Variants in RABGAP1L observed in about 807,000 individuals in gnomAD.
RABGAP1L encodes RAB GTPase activating protein 1 like.
In RABGAP1L, 63 loss-of-function variants were observed where a neutral mutation model predicts 137.7. The ratio of observed to expected loss-of-function variants is 0.46; its 90% CI spans 0.37 to 0.56. The LOEUF (loss-of-function observed/expected upper bound fraction) is 0.56. Ranked by LOEUF, RABGAP1L falls within the 20% of genes least tolerant of loss-of-function variation. The pLI is 0.00. For synonymous variants in RABGAP1L, 431 were observed against 433.7 expected, an observed-to-expected ratio of 0.99 and a Z score of 0.08; for missense variants, 1,095 against 1,244.0, an observed-to-expected ratio of 0.88 and a Z score of 1.80.
intron 20 of RABGAP1L, among the ~76,000 whole-genome samples, chr1:174,958,962 AT>A (rs1473474075): frequency 6.6e-6 from 1 of 152,196 alleles, no homozygotes; most frequent in Non-Finnish European, 1.5e-5. Flanking sequence ...AATGGCTGTT[AT>A]TTTATGAAGC....
rs187825681 is a variant in RABGAP1L, at chr1:174,539,735, T to A, written c.1711-97640T>A. Among the ~76,000 whole-genome samples the A allele has an allele frequency of 1.1e-4, 17 of 152,360 alleles. No individual in the cohort carries two copies. The East Asian group carries it at 3.3e-3, about 29-fold the overall frequency. On this transcript the variant is annotated intron_variant, in intron 13 of 25. Transcript: ENST00000681986. ...GGTTCCAAGTCTGTGCTATTGTGAA[T>A]AGTGCCACAATAAACATACGTATGC...
chr1:174,250,799 CT>C (rs948095535), intron 6 of RABGAP1L, among the ~76,000 whole-genome samples, 167 bp downstream of exon 6: 11 of 149,130 alleles, frequency 7.4e-5, no homozygotes, highest in East Asian at 2.0e-4. Context: ...TATTTCTTTC[CT>C]TTTTTTTTTG....
intron 14 of RABGAP1L, among the ~76,000 whole-genome samples, chr1:174,645,823 A>G (rs1003173697): frequency 1.2e-4 from 18 of 152,182 alleles, no homozygotes; most frequent in African/African-American, 4.1e-4. Context: ...CACTCTCACC[A>G]ACAGTGTAAA....
chr1:174,218,339 A>T (rs997750091), intron 1 of RABGAP1L, among the ~76,000 whole-genome samples: 1 of 152,064 alleles, frequency 6.6e-6, no homozygotes, highest in South Asian at 2.1e-4. Flanking sequence ...TGTTTTCCTT[A>T]TTCACTTAGG....
intron 11 of RABGAP1L, among the ~76,000 whole-genome samples, chr1:174,320,750 C>T (rs1349599106): frequency 6.6e-6 from 1 of 152,164 alleles, no homozygotes; most frequent in Admixed American, 6.6e-5. Context: ...TCTTTAATCT[C>T]TTAATCCCAT....
rs1425952626 is a variant in RABGAP1L at position 174,748,841 on chromosome 1, C to T, written c.2170-3472C>T. Among the ~76,000 whole-genome samples, 3 of 151,846 alleles carry T rather than the reference C, an allele frequency of 2.0e-5. No individual in the cohort carries two copies. In the East Asian group the frequency reaches 5.8e-4, roughly 29 times the overall value. On this transcript the variant is annotated intron_variant, in intron 17 of 25. Coordinates refer to ENST00000681986, the MANE Select transcript of RABGAP1L (RefSeq NM_001366446.1). ...AGTGAGCTCTGATGGTGCCACTGCA[C>T]TCCAGTCTGGGTGACAGAACGAGAC...
At position 174,459,869 on chromosome 1, in the gene RABGAP1L, G is replaced by A. The variant is rs141296862; in HGVS notation, c.1710+65724G>A. Reference sequence around the variant, plus strand: ...AATACCTTAATAATGTTTATTGTATGTTTTCCCAAACAAATGAATAGAAAA... The same window carrying A: ...AATACCTTAATAATGTTTATTGTATATTTTCCCAAACAAATGAATAGAAAA... On this transcript the variant is annotated intron_variant, in intron 13 of 25. Transcript: ENST00000681986. 1.2e-3 allele frequency among the ~76,000 whole-genome samples: 179 copies of A among 152,014 alleles called. 1 individual carries two copies. The highest frequency in any genetic ancestry group is 4.2e-3 in the African/African-American group (174 of 41,422).
intron 13 of RABGAP1L, among the ~76,000 whole-genome samples, chr1:174,495,709 C>T (rs1660674234): frequency 6.6e-6 from 1 of 152,054 alleles, no homozygotes; most frequent in African/African-American, 2.4e-5. Flanking sequence ...TATTAAACTA[C>T]CTCATTCTTT....
chr1:174,207,125 G>C (rs1668563235), intron 1 of RABGAP1L, among the ~76,000 whole-genome samples: 1 of 152,026 alleles, frequency 6.6e-6, no homozygotes, highest in African/African-American at 2.4e-5. Context: ...AAATATTTAT[G>C]CCTATATTTC....
intron 13 of RABGAP1L, among the ~76,000 whole-genome samples, chr1:174,402,652 T>C (rs1445338814): frequency 6.6e-6 from 1 of 152,184 alleles, no homozygotes; most frequent in Non-Finnish European, 1.5e-5. Flanking sequence ...ATGTCCTTTA[T>C]TGTTTATCAT....
intron 13 of RABGAP1L, among the ~76,000 whole-genome samples, chr1:174,574,315 G>A (rs185372504): frequency 5.3e-5 from 8 of 152,156 alleles, no homozygotes; most frequent in Admixed American, 3.3e-4. Flanking sequence ...CTATTAGAAA[G>A]CATCATCCTT....
intron 13 of RABGAP1L, among the ~76,000 whole-genome samples, chr1:174,575,743 C>T (rs189060716): frequency 7.2e-5 from 11 of 152,292 alleles, no homozygotes; most frequent in Non-Finnish European, 1.5e-4. Context: ...GCCCGCAATG[C>T]AGCGGGGCTC....
intron 5 of RABGAP1L, among the ~76,000 whole-genome samples, chr1:174,248,449 G>A (rs1672443651): frequency 1.3e-5 from 2 of 152,050 alleles, no homozygotes; most frequent in Non-Finnish European, 2.9e-5. Flanking sequence ...ATTAAAATGG[G>A]GATAGCATGG....
At chr1:174,556,793 T>G (rs111630357) in intron 13 of RABGAP1L, among the ~76,000 whole-genome samples, 1 of 152,212 alleles carries the variant, frequency 6.6e-6, no homozygotes, top group Non-Finnish European at 1.5e-5. Context: ...TACAAACTTA[T>G]GGGAACATTA....
intron 13 of RABGAP1L, among the ~76,000 whole-genome samples, chr1:174,493,901 G>A (rs1234413774): frequency 6.6e-6 from 1 of 151,536 alleles, no homozygotes; most frequent in Non-Finnish European, 1.5e-5. Flanking sequence ...AGGTATTTGA[G>A]GTTTATCCAG....
intron 13 of RABGAP1L, among the ~76,000 whole-genome samples, chr1:174,533,184 A>C (rs752084485): frequency 2.0e-5 from 3 of 152,224 alleles, no homozygotes; most frequent in African/African-American, 4.8e-5. Flanking sequence ...CAGTGAGCCA[A>C]GATCGCGCCA....
Position 174,174,194 on chromosome 1 carries a change from A to G in RABGAP1L, c.-34+14537A>G, listed in dbSNP as rs530409772. On this transcript the variant is annotated intron_variant, in intron 1 of 25. Coordinates refer to ENST00000681986, the MANE Select transcript of RABGAP1L (RefSeq NM_001366446.1). ...TAGCAATGAAGAAATTGGAAAAAAA[A>G]TACACACACACACACACACACACAC... Among the ~76,000 whole-genome samples, 585 of 98,648 alleles carry G rather than the reference A, an allele frequency of 5.9e-3. 6 individuals are homozygous for G. Among genetic ancestry groups the G allele is most frequent in the African/African-American group, 0.033 (567 of 17,346 alleles). 64.7% of individuals were successfully genotyped at this position (98,648 alleles called of 152,430 possible). A position where few individuals can be genotyped will look rare whatever the true frequency, so the allele number is the denominator to read the frequency against.
chr1:174,186,144 C>CAA (rs201540764), intron 1 of RABGAP1L, among the ~76,000 whole-genome samples: 27 of 91,806 alleles, frequency 2.9e-4, no homozygotes, highest in African/African-American at 5.3e-4. Flanking sequence ...AATTCCATCT[C>CAA]AAAAAAAAAA....
intron 3 of RABGAP1L, 60 bp downstream of exon 3, chr1:174,221,224 T>A (rs1051135026): frequency 3.8e-5 from 50 of 1,317,258 alleles, no homozygotes; most frequent in Non-Finnish European, 4.9e-5. Context: ...AGTGAAAATT[T>A]TAAGATGAAA....
Sources: gnomAD v4.1 joint callset for allele counts (sites outside exome capture counted in the v4.1 genomes callset) on GRCh38, gnomAD v4.1.1 for gene constraint, MANE v1.5 for transcripts, NCBI Gene and HGNC (gene_info 2026-07-23, HGNC 2026-07-21) for gene names.